Variants in CLIC4 observed in about 807,000 individuals in gnomAD.
CLIC4 encodes chloride intracellular channel protein 4.
In CLIC4, 13 loss-of-function variants were observed where a neutral mutation model predicts 24.6. The observed-to-expected ratio is 0.53, with a 90% CI of 0.34 to 0.84. CLIC4 has a LOEUF of 0.84. Among genes scored for constraint, CLIC4 ranks in the 40% least tolerant of loss-of-function variants. The pLI is 0.01. For synonymous variants in CLIC4, 104 were observed against 111.3 expected, an observed-to-expected ratio of 0.93 and a Z score of 0.41; for missense variants, 227 against 301.7, an observed-to-expected ratio of 0.75 and a Z score of 1.83.
At chr1:24,815,609 T>G (rs1242627604) in intron 3 of CLIC4, among the ~76,000 whole-genome samples, 1 of 152,228 alleles carries the variant, frequency 6.6e-6, no homozygotes, top group East Asian at 1.9e-4. Flanking sequence ...TACTGACCGA[T>G]CAGAATGGTG....
At chr1:24,748,340 G>C (rs1638730992) in intron 1 of CLIC4, among the ~76,000 whole-genome samples, 1 of 152,010 alleles carries the variant, frequency 6.6e-6, no homozygotes, top group African/African-American at 2.4e-5. Flanking sequence ...AGAGAATCAG[G>C]GTTCAAGTCA....
intron 1 of CLIC4, among the ~76,000 whole-genome samples, chr1:24,751,858 C>G (rs1235172623): frequency 6.6e-6 from 1 of 152,202 alleles, no homozygotes; most frequent in Non-Finnish European, 1.5e-5. Context: ...GAGCAAGACT[C>G]TGTCTCAAAA....
chr1:24,773,990 A>G (rs773116842), intron 1 of CLIC4, among the ~76,000 whole-genome samples: 5 of 151,958 alleles, frequency 3.3e-5, no homozygotes, highest in Non-Finnish European at 5.9e-5. Flanking sequence ...TTTTTGTTGT[A>G]TAAATGGAGT....
chr1:24,798,334 A>G (rs1029507461), intron 2 of CLIC4, among the ~76,000 whole-genome samples: 5 of 152,228 alleles, frequency 3.3e-5, no homozygotes, highest in Admixed American at 1.3e-4. Context: ...CATTTTAGCT[A>G]TAATGCAAGT....
chr1:24,746,791 T>C (rs1434001959), intron 1 of CLIC4, among the ~76,000 whole-genome samples: 1 of 151,872 alleles, frequency 6.6e-6, no homozygotes, highest in Non-Finnish European at 1.5e-5. Flanking sequence ...GGAGGATTAC[T>C]TGAGTCCAGC....
intron 1 of CLIC4, among the ~76,000 whole-genome samples, chr1:24,791,398 A>T (rs1021730558): frequency 1.4e-4 from 22 of 152,158 alleles, no homozygotes; most frequent in African/African-American, 4.8e-4. Flanking sequence ...TGAATTTTAT[A>T]TTTAACTTGG....
intron 1 of CLIC4, among the ~76,000 whole-genome samples, chr1:24,751,725 G>A (rs554171203): frequency 6.6e-6 from 1 of 152,140 alleles, no homozygotes; most frequent in Non-Finnish European, 1.5e-5. Flanking sequence ...TTAGCCGGTC[G>A]TGGTGGCGGG....
At chr1:24,746,056 C>T (rs1051632975) in intron 1 of CLIC4, among the ~76,000 whole-genome samples, 4 of 151,830 alleles carry the variant, frequency 2.6e-5, no homozygotes, top group African/African-American at 9.7e-5. Flanking sequence ...AACTGCGGCC[C>T]GCCGCCCGAT....
intron 1 of CLIC4, among the ~76,000 whole-genome samples, chr1:24,763,368 C>T (rs961714106): frequency 6.6e-5 from 10 of 151,626 alleles, no homozygotes; most frequent in African/African-American, 1.9e-4. Flanking sequence ...GGAGAAACCC[C>T]GTCTCTACTA....
intron 3 of CLIC4, among the ~76,000 whole-genome samples, chr1:24,815,502 C>CA (rs756009117): frequency 2.4e-4 from 36 of 151,120 alleles, no homozygotes; most frequent in African/African-American, 7.5e-4. Context: ...AACTCCGTCT[C>CA]AAAAAAAAAT....
intron 1 of CLIC4, among the ~76,000 whole-genome samples, chr1:24,757,711 C>T (rs1638869230): frequency 6.6e-6 from 1 of 152,158 alleles, no homozygotes; most frequent in Non-Finnish European, 1.5e-5. Flanking sequence ...AAGCCTTGAC[C>T]ATAACACACA....
At chr1:24,839,794 T>C in intron 4 of CLIC4, 66 bp from the exon 5 acceptor site, 4 of 1,380,948 alleles carry the variant, frequency 2.9e-6, no homozygotes, top group Non-Finnish European at 4.0e-6. Context: ...AAGAGTCTGC[T>C]TCTCCTTGGG....
At chr1:24,756,365 A>G (rs150426022) in intron 1 of CLIC4, among the ~76,000 whole-genome samples, 1 of 152,180 alleles carries the variant, frequency 6.6e-6, no homozygotes. Flanking sequence ...TTCAACATGC[A>G]TATATTTTGT....
At chr1:24,780,140 C>T (rs1639185927) in intron 1 of CLIC4, among the ~76,000 whole-genome samples, 1 of 152,128 alleles carries the variant, frequency 6.6e-6, no homozygotes, top group African/African-American at 2.4e-5. Context: ...ATTTTAAGAG[C>T]TTTTCATCTA....
At chr1:24,759,159 AT>A (rs1638889587) in intron 1 of CLIC4, among the ~76,000 whole-genome samples, 1 of 152,170 alleles carries the variant, frequency 6.6e-6, no homozygotes. Context: ...AATGAAAGTT[AT>A]TTTTCAGTAT....
chr1:24,772,044 C>T (rs1639077129), intron 1 of CLIC4, among the ~76,000 whole-genome samples: 1 of 152,108 alleles, frequency 6.6e-6, no homozygotes. Flanking sequence ...TAATTAGAAG[C>T]AATCTATTAG....
chr1:24,785,375 G>A (rs1639255141), intron 1 of CLIC4, among the ~76,000 whole-genome samples: 1 of 152,146 alleles, frequency 6.6e-6, no homozygotes, highest in Admixed American at 6.5e-5. Context: ...AGTAAGTCAA[G>A]TTTCACAGAT....
intron 5 of CLIC4, 40 bp from the exon 6 acceptor site, chr1:24,840,733 G>A (rs760285031): frequency 6.6e-7 from 1 of 1,523,914 alleles, no homozygotes; most frequent in Non-Finnish European, 8.9e-7. Flanking sequence ...TACAAGACGT[G>A]GAAATAAGTC....
At chr1:24,822,721 A>G (rs373483505) in intron 3 of CLIC4, among the ~76,000 whole-genome samples, 3 of 152,340 alleles carry the variant, frequency 2.0e-5, no homozygotes, top group African/African-American at 7.2e-5. Flanking sequence ...GCATTGAAAC[A>G]GCATGTTTGA....
Sources: gnomAD v4.1 joint callset for allele counts (sites outside exome capture counted in the v4.1 genomes callset) on GRCh38, gnomAD v4.1.1 for gene constraint, MANE v1.5 for transcripts, NCBI Gene and HGNC (gene_info 2026-07-23, HGNC 2026-07-21) for gene names.